The following TRIM29 variants were observed in gnomAD, a reference collection of about 807,000 sequenced individuals.
TRIM29 encodes tripartite motif-containing protein 29.
A neutral mutation model predicts 57.3 loss-of-function variants in TRIM29; 52 were observed. The observed-to-expected ratio is 0.91, with a 90% confidence interval of 0.73 to 1.14. The LOEUF (loss-of-function observed/expected upper bound fraction) is 1.14, where lower values mean the gene tolerates loss of function less well. Among genes scored for constraint, TRIM29 ranks in the 50% most tolerant of loss-of-function variants. The pLI is 0.00. For missense variants in TRIM29, 753 were observed against 774.6 expected, an observed-to-expected ratio of 0.97 and a Z score of 0.33; for synonymous variants, 319 against 316.9, an observed-to-expected ratio of 1.01 and a Z score of -0.07.
At chr11:120,131,109 G>T (rs1863714190) in intron 1 of TRIM29, among the ~76,000 whole-genome samples, 1 of 152,172 alleles carries the variant, frequency 6.6e-6, no homozygotes, top group African/African-American at 2.4e-5. Context: ...GTGGCAGAAG[G>T]TCTGACCAGA....
intron 6 of TRIM29, among the ~76,000 whole-genome samples, chr11:120,119,805 C>A (rs1182748049): frequency 6.6e-6 from 1 of 152,176 alleles, no homozygotes; most frequent in African/African-American, 2.4e-5. Context: ...CCCTCCCTCC[C>A]TGTGCATGGC....
chr11:120,134,553 G>A (rs1295065052), intron 1 of TRIM29, among the ~76,000 whole-genome samples: 1 of 152,180 alleles, frequency 6.6e-6, no homozygotes, highest in Non-Finnish European at 1.5e-5. Flanking sequence ...GCAGAGCCAG[G>A]CCGAGACAGC....
intron 7 of TRIM29, chr11:120,117,164 C>T (rs1250505098): frequency 3.9e-6 from 1 of 254,926 alleles, no homozygotes; most frequent in African/African-American, 2.3e-5. Context: ...TGAGAGCGGC[C>T]ACCTCCCCTG....
chr11:120,135,794 G>A (rs757473099), intron 1 of TRIM29, among the ~76,000 whole-genome samples: 17 of 152,166 alleles, frequency 1.1e-4, no homozygotes, highest in Non-Finnish European at 2.4e-4. Context: ...GGTCAGGAAG[G>A]CTGGGCAGGA....
chr11:120,124,870 CAT>C (rs1192061784), intron 4 of TRIM29: 1 of 152,216 alleles, frequency 6.6e-6, no homozygotes, highest in African/African-American at 2.4e-5. Context: ...CCCAAAGAAT[CAT>C]ATGCTGTGTC....
chr11:120,112,150 C>T lies in TRIM29; in HGVS notation c.*264G>A, dbSNP rs1215621416. The T allele has an allele frequency of 6.7e-6, 3 of 446,350 alleles. No homozygotes were observed. Among genetic ancestry groups the T allele is most frequent in the South Asian group, 2.2e-5 (1 of 45,268 alleles). The allele number at this position is 446,350 out of a possible 1,614,324, so 27.6% of individuals were successfully genotyped here. A position where few individuals can be genotyped will look rare whatever the true frequency, so the allele number is the denominator to read the frequency against. On this transcript the variant is annotated 3_prime_UTR_variant, in exon 9 of 9. Coordinates refer to ENST00000341846, the MANE Select transcript of TRIM29 (RefSeq NM_012101.4). ...TTAGGGCAGGCCCCAACCTATCTCA[C>T]CCCTGTGATGGGTTGGCCTCTGAGC...
chr11:120,127,505 TCCAGGTCCCGCA>T lies in TRIM29; in HGVS notation c.953_964del (p.Val318_Leu321del). On this transcript the variant is annotated inframe_deletion, in exon 3 of 9. Coordinates refer to ENST00000341846, the MANE Select transcript of TRIM29 (RefSeq NM_012101.4). ...AGCCCTCACTTCCTCCTTTTGCTTC[TCCAGGTCCCGCA>T]CCAGGTCCCGGAAGTTCTGCTCCAG... 1 of 1,614,170 alleles carries T rather than the reference TCCAGGTCCCGCA, an allele frequency of 6.2e-7. No homozygotes were observed. The highest frequency in any genetic ancestry group is 8.5e-7 in the Non-Finnish European group (1 of 1,180,028).
At chr11:120,115,033 C>T (rs539937250) in intron 8 of TRIM29, among the ~76,000 whole-genome samples, 2 of 152,276 alleles carry the variant, frequency 1.3e-5, no homozygotes, top group African/African-American at 4.8e-5. Flanking sequence ...ACCCAAGCTG[C>T]CATTCCACTA....
Position 120,137,829 on chromosome 11 carries a change from G to A in TRIM29, c.203C>T (p.Ala68Val), listed in dbSNP as rs199654726. Residue 68 changes from alanine to valine, a missense_variant, in exon 1 of 9, where the codon GCC becomes GTC. Ala to Val is a moderately conservative substitution (Grantham distance 64). Transcript: ENST00000341846. The surrounding 1 kb of genome is among the most constrained non-coding windows in gnomAD (Gnocchi z 6.2). ...SALKPGEGRS[A>V]LFAGNEWRRP... Reference sequence around the variant, plus strand: ...CCGCCACTCATTGCCCGCGAACAGGGCGCTCCTACCTTCCCCTGGCTTCAG... The same window carrying A: ...CCGCCACTCATTGCCCGCGAACAGGACGCTCCTACCTTCCCCTGGCTTCAG... 1.2e-6 allele frequency: 2 copies of A among 1,612,542 alleles called. No individual in the cohort carries two copies. Among genetic ancestry groups the A allele is most frequent in the East Asian group, 4.5e-5 (2 of 44,848 alleles).
chr11:120,127,168 G>A (rs529994181), intron 3 of TRIM29, among the ~76,000 whole-genome samples, 168 bp downstream of exon 3: 3 of 152,300 alleles, frequency 2.0e-5, no homozygotes, highest in South Asian at 2.1e-4. Flanking sequence ...AGAGAATGGC[G>A]CTTGGATAGA....
chr11:120,131,903 T>C (rs536402139), intron 1 of TRIM29, among the ~76,000 whole-genome samples: 1 of 149,326 alleles, frequency 6.7e-6, no homozygotes, highest in South Asian at 2.2e-4. Flanking sequence ...TTTTCTCCTT[T>C]AACCAGCAAA....
At position 120,127,189 on chromosome 11, in the gene TRIM29, G is replaced by C. The variant is rs550444129; in HGVS notation, c.1134+147C>G. 2.9e-5 allele frequency: 20 copies of C among 679,778 alleles called. 1 individual carries two copies. In the South Asian group the frequency reaches 3.6e-4, roughly 12 times the overall value. The allele number at this position is 679,778 out of a possible 1,614,324, so 42.1% of individuals were successfully genotyped here. A position where few individuals can be genotyped will look rare whatever the true frequency, so the allele number is the denominator to read the frequency against. On this transcript the variant is annotated intron_variant, in intron 3 of 8. Coordinates refer to ENST00000341846, the MANE Select transcript of TRIM29 (RefSeq NM_012101.4). ...TGGCGCTTGGATAGATGGATGAATG[G>C]ATGGATGGTTGGATGGCTGGATGGT...
At chr11:120,133,296 T>G (rs1195339042) in intron 1 of TRIM29, among the ~76,000 whole-genome samples, 2 of 152,196 alleles carry the variant, frequency 1.3e-5, no homozygotes, top group Non-Finnish European at 2.9e-5. Flanking sequence ...AGGCTTAAAA[T>G]AGCGGAGAGG....
chr11:120,120,344 TACACAC>T (rs71050727), intron 6 of TRIM29, among the ~76,000 whole-genome samples: 4,737 of 138,144 alleles, frequency 0.034, 144 homozygotes, highest in East Asian at 0.13. Flanking sequence ...CCCACACATG[TACACAC>T]ACACACACAC....
In TRIM29 at chr11:120,130,986, A is replaced by G. The variant is rs540625126; in HGVS notation, c.805-2491T>C. On this transcript the variant is annotated intron_variant, in intron 1 of 8. Coordinates refer to ENST00000341846, the MANE Select transcript of TRIM29 (RefSeq NM_012101.4). ...GCATAGAGAGGCTGGTGAGGTCAAG[A>G]CACTGGGCTGAATGCAAGAGGGAAG... Among the ~76,000 whole-genome samples the G allele has an allele frequency of 2.8e-4, 43 of 152,310 alleles. No individual in the cohort carries two copies. The South Asian group carries it at 8.9e-3, about 32-fold the overall frequency.
intron 5 of TRIM29, 73 bp downstream of exon 5, chr11:120,122,881 T>C: frequency 8.0e-7 from 1 of 1,244,288 alleles, no homozygotes; most frequent in Non-Finnish European, 1.2e-6. Context: ...TGGCTGAGAG[T>C]CACTGCACGG....
chr11:120,120,821 C>T, intron 5 of TRIM29, 156 bp from the exon 6 acceptor site: 2 of 710,498 alleles, frequency 2.8e-6, no homozygotes, highest in East Asian at 5.4e-5. Context: ...TAATTTATCA[C>T]CCAAATTGGC....
chr11:120,120,107 C>T (rs906548766), intron 6 of TRIM29, among the ~76,000 whole-genome samples: 1 of 152,076 alleles, frequency 6.6e-6, no homozygotes, highest in African/African-American at 2.4e-5. Flanking sequence ...CACTGTACGA[C>T]TTTTCACTGC....
At chr11:120,129,644 G>A (rs1346402147) in intron 1 of TRIM29, among the ~76,000 whole-genome samples, 3 of 151,654 alleles carry the variant, frequency 2.0e-5, no homozygotes, top group Non-Finnish European at 4.4e-5. Flanking sequence ...CCTTCTGAAC[G>A]CCCCACCGGG....
Sources: gnomAD v4.1 joint callset for allele counts (sites outside exome capture counted in the v4.1 genomes callset) on GRCh38, gnomAD v4.1.1 for gene constraint, Gnocchi (gnomAD v3.1) non-coding constraint, MANE v1.5 for transcripts, NCBI Gene and HGNC (gene_info 2026-07-23, HGNC 2026-07-21) for gene names.